Variants in SMYD1 observed in about 807,000 individuals in gnomAD.
The protein encoded by SMYD1 is SET and MYND domain containing 1.
In SMYD1, 49 loss-of-function variants were observed where a neutral mutation model predicts 54.0. The observed-to-expected ratio is 0.91, with a 90% CI of 0.72 to 1.15. The LOEUF is 1.15. Ranked by LOEUF, SMYD1 falls within the 50% of genes most tolerant of loss-of-function variation. The pLI is 0.00. For synonymous variants in SMYD1, 269 were observed against 234.2 expected, an observed-to-expected ratio of 1.15 and a Z score of -1.36; for missense variants, 653 against 639.6, an observed-to-expected ratio of 1.02 and a Z score of -0.23.
At position 88,111,703 on chromosome 2, in the gene SMYD1, T is replaced by C; in HGVS notation, c.*1191T>C. 9.9e-6 allele frequency: 2 copies of C among 201,520 alleles called. No homozygotes were observed. Among genetic ancestry groups the C allele is most frequent in the Admixed American group, 1.0e-4 (2 of 19,484 alleles). 12.5% of individuals were successfully genotyped at this position (201,520 alleles called of 1,614,324 possible). A position where few individuals can be genotyped will look rare whatever the true frequency, so the allele number is the denominator to read the frequency against. ...TTTATCCCGATCTCCTGGAAGGCTG[T>C]TGTGATTTCCATCTAAGAAATGAGG... On this transcript the variant is annotated 3_prime_UTR_variant, in exon 10 of 10. Coordinates refer to ENST00000419482, the MANE Select transcript of SMYD1 (RefSeq NM_198274.4).
rs1404085126 is a variant in SMYD1, at chr2:88,112,252, TG to T, written c.*1741del. ...CTCCCCCAAACCTTTTTCCCTTCTT[TG>T]TCATTGTTATCTGCTAAGCCCCTGG... On this transcript the variant is annotated 3_prime_UTR_variant, in exon 10 of 10. Transcript: ENST00000419482. 4 of 678,552 alleles carry T rather than the reference TG, an allele frequency of 5.9e-6. No individual in the cohort carries two copies. The highest frequency in any genetic ancestry group is 1.1e-5 in the Non-Finnish European group (4 of 370,014). The allele number at this position is 678,552 out of a possible 1,614,324, so 42.0% of individuals were successfully genotyped here.
At chr2:88,095,277 G>A (rs544792027) in intron 5 of SMYD1, among the ~76,000 whole-genome samples, 3 of 152,318 alleles carry the variant, frequency 2.0e-5, no homozygotes, top group South Asian at 2.1e-4. Context: ...AAGGAAAGGA[G>A]GGACAAATGG....
intron 1 of SMYD1, among the ~76,000 whole-genome samples, chr2:88,080,929 G>A (rs1384642041): frequency 6.7e-6 from 1 of 149,512 alleles, no homozygotes; most frequent in East Asian, 2.0e-4. Flanking sequence ...TTGAGATGGA[G>A]TCTCACTGTG....
chr2:88,086,032 T>G (rs1373787779), intron 2 of SMYD1, among the ~76,000 whole-genome samples: 1 of 152,192 alleles, frequency 6.6e-6, no homozygotes, highest in African/African-American at 2.4e-5. Flanking sequence ...GTCTTGACTG[T>G]GTAGGTGGAT....
intron 1 of SMYD1, among the ~76,000 whole-genome samples, chr2:88,071,776 C>T (rs11682584): frequency 0.23 from 35,144 of 151,828 alleles, 4,608 homozygotes; most frequent in Non-Finnish European, 0.3. Context: ...GTTGAGATAC[C>T]GGGGGTGATG....
chr2:88,087,325 C>T (rs1674352296), intron 2 of SMYD1, among the ~76,000 whole-genome samples: 1 of 152,130 alleles, frequency 6.6e-6, no homozygotes, highest in African/African-American at 2.4e-5. Context: ...TTGAGAGACC[C>T]AGGCTGCCGC....
In SMYD1 at chr2:88,084,317, CT is replaced by C. The variant is rs779300454; in HGVS notation, c.141del (p.Val48LeufsTer37). ...RAYSAVVFDS[L>X]VNFVCHTCFK... ...TGTGTCTTCTTTCTCCATTTCCAGC[CT>C]TGTTAATTTTGTGTGCCACACCTGC... On this transcript the variant is annotated frameshift_variant and splice_region_variant, in exon 2 of 10. Transcript: ENST00000419482. LOFTEE classifies it high-confidence loss of function. The C allele has an allele frequency of 1.3e-6, 2 of 1,563,636 alleles. No individual in the cohort carries two copies. The highest frequency in any genetic ancestry group is 2.7e-5 in the African/African-American group (2 of 74,340).
intron 3 of SMYD1, among the ~76,000 whole-genome samples, chr2:88,090,306 A>C (rs1165638445): frequency 6.6e-6 from 1 of 152,234 alleles, no homozygotes; most frequent in East Asian, 1.9e-4. Flanking sequence ...ATCTGCATGC[A>C]GTTACTAATG....
chr2:88,091,284 C>T, intron 4 of SMYD1, 142 bp downstream of exon 4: 1 of 893,152 alleles, frequency 1.1e-6, no homozygotes, highest in Non-Finnish European at 1.6e-6. Flanking sequence ...AAATCTCATT[C>T]CAGAATAATT....
intron 3 of SMYD1, among the ~76,000 whole-genome samples, chr2:88,089,741 T>C (rs1674422133): frequency 6.6e-6 from 1 of 151,760 alleles, no homozygotes; most frequent in African/African-American, 2.4e-5. Flanking sequence ...TGCATACCAC[T>C]ATGCCTGGTT....
chr2:88,103,949 AT>A (rs1471836913), intron 7 of SMYD1, among the ~76,000 whole-genome samples: 3 of 151,170 alleles, frequency 2.0e-5, no homozygotes, highest in African/African-American at 7.3e-5. Context: ...ATTAATTTCT[AT>A]TCATTTCTAT....
At chr2:88,084,290 C>T (rs774197658) in intron 1 of SMYD1, 26 bp from the exon 2 acceptor site, 50 of 1,545,136 alleles carry the variant, frequency 3.2e-5, no homozygotes, top group Non-Finnish European at 4.3e-5. Context: ...TGCTCCCAAT[C>T]ATGTGTCTTC....
At chr2:88,073,990 A>G (rs760378123) in intron 1 of SMYD1, among the ~76,000 whole-genome samples, 5 of 152,224 alleles carry the variant, frequency 3.3e-5, no homozygotes, top group Non-Finnish European at 7.3e-5. Flanking sequence ...CAGATGCTCA[A>G]TAAATACTTG....
intron 6 of SMYD1, among the ~76,000 whole-genome samples, chr2:88,100,888 C>A (rs1055467579): frequency 1.3e-5 from 2 of 152,160 alleles, no homozygotes; most frequent in African/African-American, 2.4e-5. Flanking sequence ...GGCCATGGAA[C>A]AAATACAGGT....
At chr2:88,100,163 T>C (rs546986086) in intron 6 of SMYD1, among the ~76,000 whole-genome samples, 2 of 152,320 alleles carry the variant, frequency 1.3e-5, no homozygotes, top group East Asian at 3.9e-4. Flanking sequence ...AGAGTGTTCC[T>C]GCCTTTTCTC....
At chr2:88,068,774 C>G (rs1475709885) in intron 1 of SMYD1, among the ~76,000 whole-genome samples, 1 of 151,718 alleles carries the variant, frequency 6.6e-6, no homozygotes, top group Non-Finnish European at 1.5e-5. Flanking sequence ...ATAGAGCTAT[C>G]CATATAGATT....
At chr2:88,078,257 G>T (rs931584621) in intron 1 of SMYD1, among the ~76,000 whole-genome samples, 1 of 152,140 alleles carries the variant, frequency 6.6e-6, no homozygotes, top group East Asian at 1.9e-4. Flanking sequence ...TCTTACACAT[G>T]TTATTTCTTT....
intron 1 of SMYD1, among the ~76,000 whole-genome samples, chr2:88,072,371 G>A (rs534769969): frequency 5.3e-5 from 8 of 152,224 alleles, no homozygotes; most frequent in Admixed American, 2.0e-4. Context: ...GGCTGGTCTC[G>A]AACTCCCGGC....
intron 6 of SMYD1, among the ~76,000 whole-genome samples, chr2:88,098,010 G>T (rs1674632930): frequency 6.6e-6 from 1 of 152,112 alleles, no homozygotes; most frequent in African/African-American, 2.4e-5. Context: ...TGTATTCTAG[G>T]ACATGTATAT....
Sources: allele counts gnomAD v4.1 joint callset (sites outside exome capture counted in the v4.1 genomes callset), GRCh38; gene constraint gnomAD v4.1.1; transcripts MANE v1.5; gene names NCBI Gene and HGNC (gene_info 2026-07-23, HGNC 2026-07-21).